Variants in SYNE2 observed in about 807,000 individuals in gnomAD.
SYNE2 encodes the protein spectrin repeat containing nuclear envelope protein 2.
In SYNE2, 431 loss-of-function variants were observed where a neutral mutation model predicts 856.3. The ratio of observed to expected loss-of-function variants is 0.50; its 90% CI spans 0.47 to 0.55. The LOEUF is 0.55. SYNE2 is among the 20% of genes least tolerant of loss of function. The probability of loss-of-function intolerance (pLI) is 0.00; values close to 1 mark genes in which losing one functional copy is unlikely to be tolerated. For missense variants in SYNE2, 8,129 were observed against 8,023.2 expected, an observed-to-expected ratio of 1.01 and a Z score of -0.50; for synonymous variants, 2,923 against 2,872.3, an observed-to-expected ratio of 1.02 and a Z score of -0.56.
chr14:63,794,713 A>G (rs1887857111), intron 1 of SYNE2, among the ~76,000 whole-genome samples: 1 of 152,222 alleles, frequency 6.6e-6, no homozygotes, highest in African/African-American at 2.4e-5. Flanking sequence ...ATAAAAATAT[A>G]ACTACACACT....
chr14:63,961,042 T>G (rs2096306773), intron 8 of SYNE2, among the ~76,000 whole-genome samples: 1 of 152,234 alleles, frequency 6.6e-6, no homozygotes, highest in South Asian at 2.1e-4. Flanking sequence ...ATGAACAAAC[T>G]CTGTGGATGT....
chr14:63,763,686 A>G (rs1886575007), intron 1 of SYNE2, among the ~76,000 whole-genome samples: 1 of 152,152 alleles, frequency 6.6e-6, no homozygotes, highest in Admixed American at 6.6e-5. Context: ...CTAAAAAAAG[A>G]CAAGGTCTTG....
At chr14:64,005,539 A>G (rs2096789761) in intron 30 of SYNE2, among the ~76,000 whole-genome samples, 1 of 152,200 alleles carries the variant, frequency 6.6e-6, no homozygotes, top group Admixed American at 6.5e-5. Flanking sequence ...TAACTTGAAC[A>G]GTGAGTAAGA....
rs1327065505 is a variant in SYNE2 at position 64,025,233 on chromosome 14, T to TA, written c.6065dup (p.Tyr2022Ter). ...GGAAGCAACATGTTTGATGGATAGA[T>TA]ACCAGACATTACTGAGACAACTAAG... ...IMEATCLMDR[Y>*]QTLLRQLSEI... Residue 2022 changes from tyrosine (Y) to a stop codon, truncating the protein, a stop_gained and frameshift_variant, in exon 41 of 116, where the codon TAC becomes TAAC. Coordinates refer to ENST00000555002, the MANE Select transcript of SYNE2 (RefSeq NM_182914.3). LOFTEE classifies it high-confidence loss of function. 1.2e-6 allele frequency: 2 copies of TA among 1,613,982 alleles called. No homozygotes were observed. The highest frequency in any genetic ancestry group is 1.3e-5 in the African/African-American group (1 of 74,936).
At chr14:64,225,114 A>G in intron 115 of SYNE2, 69 bp downstream of exon 115, 1 of 1,588,614 alleles carries the variant, frequency 6.3e-7, no homozygotes, top group East Asian at 2.2e-5. Flanking sequence ...AGTCTTGCCA[A>G]TGCCACTATC....
At chr14:63,837,115 A>G (rs1366798963) in intron 1 of SYNE2, among the ~76,000 whole-genome samples, 1 of 152,242 alleles carries the variant, frequency 6.6e-6, no homozygotes, top group East Asian at 1.9e-4. Flanking sequence ...ATGTAAATTC[A>G]GAAGTACAGG....
intron 2 of SYNE2, among the ~76,000 whole-genome samples, chr14:63,923,910 C>T (rs1311559364): frequency 2.6e-5 from 4 of 151,914 alleles, no homozygotes; most frequent in Non-Finnish European, 4.4e-5. Context: ...GCAATCCTTT[C>T]ACTTCAGCTT....
rs2039475 is a variant in SYNE2 at position 64,142,038 on chromosome 14, C to G, written c.15256C>G (p.His5086Asp). Residue 5086 changes from histidine to aspartate, a missense_variant, in exon 82 of 116, where the codon CAT becomes GAT. This residue lies in a region of SYNE2 where 5,410 missense variants were observed against 5,284.8 expected (regional missense o/e 1.02). Coordinates refer to ENST00000555002, the MANE Select transcript of SYNE2 (RefSeq NM_182914.3). ...TCAAACTTCAGATGAAGACTCCGTG[C>G]ATTCACCAAGTTCTGCATCTCAAGT... ...EHQTSDEDSVHSPSSASQVKH... is the reference protein window; with the variant it reads ...EHQTSDEDSVDSPSSASQVKH... 8.1e-6 allele frequency: 13 copies of G among 1,613,930 alleles called. No homozygotes were observed. The South Asian group carries it at 1.4e-4, about 18-fold the overall frequency.
chr14:64,191,394 A>G (rs1301020908), intron 99 of SYNE2, among the ~76,000 whole-genome samples: 2 of 152,118 alleles, frequency 1.3e-5, no homozygotes, highest in African/African-American at 4.8e-5. Context: ...CTCAGATCCC[A>G]TCTTCCTGGG....
At chr14:64,166,795 T>TAGATGTC in intron 90 of SYNE2, 1 of 230,962 alleles carries the variant, frequency 4.3e-6, no homozygotes, top group Admixed American at 5.3e-5. Context: ...TAGCCAGGTG[T>TAGATGTC]GGTGGCAGGC....
intron 27 of SYNE2, among the ~76,000 whole-genome samples, chr14:63,999,310 G>GT (rs1388514112): frequency 6.6e-6 from 1 of 151,972 alleles, no homozygotes; most frequent in Non-Finnish European, 1.5e-5. Context: ...AATAGTTTTT[G>GT]TTTATTTCTT....
At chr14:63,957,172 G>A (rs888256242) in intron 8 of SYNE2, among the ~76,000 whole-genome samples, 2 of 149,350 alleles carry the variant, frequency 1.3e-5, no homozygotes, top group Non-Finnish European at 3.0e-5. Context: ...ATCTTGGCTC[G>A]CTGCAACCTC....
chr14:64,040,597 AATATAT>A (rs3031304), intron 45 of SYNE2, among the ~76,000 whole-genome samples: 4 of 142,544 alleles, frequency 2.8e-5, no homozygotes, highest in African/African-American at 7.7e-5. Context: ...TGAGGTTAAA[AATATAT>A]ATATATATAT....
At chr14:63,876,450 TA>T (rs747257118) in intron 1 of SYNE2, among the ~76,000 whole-genome samples, 3 of 151,450 alleles carry the variant, frequency 2.0e-5, no homozygotes, top group Non-Finnish European at 2.9e-5. Context: ...GATACCATTA[TA>T]TTTTTTTTAA....
chr14:63,847,051 G>A (rs972058487), intron 1 of SYNE2, among the ~76,000 whole-genome samples: 4 of 151,000 alleles, frequency 2.6e-5, no homozygotes, highest in African/African-American at 7.3e-5. Context: ...TGAATTCCCC[G>A]GCTCAAGCGA....
At chr14:64,106,140 C>A (rs554922225) in intron 64 of SYNE2, among the ~76,000 whole-genome samples, 5 of 148,786 alleles carry the variant, frequency 3.4e-5, no homozygotes, top group Admixed American at 2.0e-4. Context: ...AGACCCCCCC[C>A]CCCAACCAAC....
intron 1 of SYNE2, among the ~76,000 whole-genome samples, chr14:63,853,726 C>G (rs1330588217): frequency 2.0e-5 from 3 of 151,406 alleles, no homozygotes; most frequent in Admixed American, 2.0e-4. Context: ...GGCGCGGGGA[C>G]GGGCGGCCCG....
intron 45 of SYNE2, among the ~76,000 whole-genome samples, chr14:64,038,193 C>T (rs1445465304): frequency 6.6e-6 from 1 of 152,036 alleles, no homozygotes; most frequent in Non-Finnish European, 1.5e-5. Flanking sequence ...CTCCCCACAT[C>T]TCAGACGATG....
intron 2 of SYNE2, among the ~76,000 whole-genome samples, chr14:63,914,036 C>T (rs559884642): frequency 6.6e-6 from 1 of 152,122 alleles, no homozygotes; most frequent in East Asian, 1.9e-4. Flanking sequence ...TTTGCTTTAC[C>T]AAAATGCCCA....
Sources: gnomAD v4.1 joint callset for allele counts (sites outside exome capture counted in the v4.1 genomes callset) on GRCh38, gnomAD v4.1.1 for gene constraint, gnomAD v4.1.1 regional missense constraint, MANE v1.5 for transcripts, NCBI Gene and HGNC (gene_info 2026-07-23, HGNC 2026-07-21) for gene names.